Variants in PTPRD observed in about 807,000 individuals in gnomAD.
PTPRD encodes receptor-type tyrosine-protein phosphatase delta.
In PTPRD, 34 loss-of-function variants were observed where a neutral mutation model predicts 214.5. The ratio of observed to expected loss-of-function variants is 0.16; its 90% confidence interval spans 0.12 to 0.21. The LOEUF is 0.21. PTPRD is among the 10% of genes least tolerant of loss of function. PTPRD has a pLI of 1.00. For missense variants in PTPRD, 2,545 were observed against 2,398.7 expected (o/e 1.06, Z -1.27); for synonymous variants, 1,128 against 845.7 (o/e 1.33, Z -5.79).
At chr9:10,075,254 TA>T (rs1350267930) in intron 3 of PTPRD, among the ~76,000 whole-genome samples, 1 of 152,106 alleles carries the variant, frequency 6.6e-6, no homozygotes, top group Non-Finnish European at 1.5e-5. Flanking sequence ...CGAAGGTGCA[TA>T]ATTATTATTA....
intron 12 of PTPRD, among the ~76,000 whole-genome samples, chr9:8,704,385 C>G (rs1482115592): frequency 1.3e-5 from 2 of 151,890 alleles, no homozygotes; most frequent in African/African-American, 4.8e-5. Context: ...AGGAGGAAAG[C>G]AGAGTAGGAA....
At chr9:9,511,846 G>A (rs766635156) in intron 8 of PTPRD, among the ~76,000 whole-genome samples, 1 of 151,686 alleles carries the variant, frequency 6.6e-6, no homozygotes, top group South Asian at 2.1e-4. Flanking sequence ...AAAAGCCAAA[G>A]TTAAACTATT....
intron 20 of PTPRD, among the ~76,000 whole-genome samples, chr9:8,520,292 G>C (rs994345235): frequency 6.6e-6 from 1 of 151,982 alleles, no homozygotes; most frequent in African/African-American, 2.4e-5. Flanking sequence ...TGTAAATGTT[G>C]ACAATGTGTA....
chr9:9,349,013 T>C (rs997474076), intron 9 of PTPRD, among the ~76,000 whole-genome samples: 2 of 152,094 alleles, frequency 1.3e-5, no homozygotes, highest in East Asian at 3.9e-4. Context: ...TTATCAGATT[T>C]ATTTTCTGTA....
intron 5 of PTPRD, among the ~76,000 whole-genome samples, chr9:9,861,004 C>T (rs1458207953): frequency 6.6e-6 from 1 of 152,062 alleles, no homozygotes; most frequent in Non-Finnish European, 1.5e-5. Flanking sequence ...GAAAAATAGA[C>T]ATTATAGTTG....
intron 5 of PTPRD, among the ~76,000 whole-genome samples, chr9:9,827,076 G>A (rs1177738704): frequency 1.3e-5 from 2 of 152,084 alleles, no homozygotes; most frequent in East Asian, 3.9e-4. Flanking sequence ...TGGCCATACT[G>A]CCCAAGGTAA....
At chr9:10,078,607 A>G (rs538656144) in intron 3 of PTPRD, among the ~76,000 whole-genome samples, 12 of 150,444 alleles carry the variant, frequency 8.0e-5, no homozygotes, top group African/African-American at 1.2e-4. Flanking sequence ...TATCCCAATC[A>G]GGGGGTGTTT....
rs945993870 is a variant in PTPRD at position 9,937,502 on chromosome 9, G to A, written c.-368+1005C>T. ...TAAATTTTATACAAGTATATATTTGGGCTATTTATGACTATAAAAACATAA... is the reference window on the plus strand; with the variant it reads ...TAAATTTTATACAAGTATATATTTGAGCTATTTATGACTATAAAAACATAA... On this transcript the variant is annotated intron_variant, in intron 5 of 45. Transcript: ENST00000381196. Among the ~76,000 whole-genome samples, 8 of 150,092 alleles carry A rather than the reference G, an allele frequency of 5.3e-5. No individual in the cohort carries two copies. The East Asian group carries it at 1.6e-3, about 29-fold the overall frequency.
chr9:9,661,805 G>T (rs556547939), intron 7 of PTPRD, among the ~76,000 whole-genome samples: 25 of 151,748 alleles, frequency 1.6e-4, no homozygotes, highest in Admixed American at 1.2e-3. Flanking sequence ...TTGAAGAGGA[G>T]GAGGGCTGGA....
At chr9:10,188,957 T>C (rs1355666222) in intron 3 of PTPRD, among the ~76,000 whole-genome samples, 1 of 152,186 alleles carries the variant, frequency 6.6e-6, no homozygotes, top group Non-Finnish European at 1.5e-5. Flanking sequence ...TGTAACCATT[T>C]GAAGGCTCAA....
At chr9:9,613,356 A>G (rs1295953584) in intron 7 of PTPRD, among the ~76,000 whole-genome samples, 1 of 152,052 alleles carries the variant, frequency 6.6e-6, no homozygotes, top group African/African-American at 2.4e-5. Flanking sequence ...GCATTCAGCT[A>G]TCTTGAGAAA....
At chr9:9,296,531 C>G (rs1258799415) in intron 9 of PTPRD, among the ~76,000 whole-genome samples, 1 of 151,672 alleles carries the variant, frequency 6.6e-6, no homozygotes, top group African/African-American at 2.4e-5. Context: ...TTTATTCCTC[C>G]TCCTCCTCCA....
intron 7 of PTPRD, among the ~76,000 whole-genome samples, chr9:9,672,013 G>C (rs1046248000): frequency 1.4e-4 from 22 of 152,174 alleles, no homozygotes; most frequent in African/African-American, 4.8e-4. Context: ...ATCACAACTT[G>C]TCAGGGATGC....
At chr9:10,332,357 C>A (rs1203896789) in intron 3 of PTPRD, among the ~76,000 whole-genome samples, 2 of 151,830 alleles carry the variant, frequency 1.3e-5, no homozygotes, top group African/African-American at 4.8e-5. Flanking sequence ...GCTTGACATT[C>A]AGCAAGGATC....
intron 11 of PTPRD, among the ~76,000 whole-genome samples, chr9:8,822,682 T>C (rs79378280): frequency 0.044 from 6,771 of 152,232 alleles, 279 homozygotes; most frequent in African/African-American, 0.096. Flanking sequence ...AGCCTTCGGT[T>C]GGGGCTATTA....
At chr9:9,928,753 T>TACACACACACA (rs1259839394) in intron 5 of PTPRD, among the ~76,000 whole-genome samples, 4 of 101,738 alleles carry the variant, frequency 3.9e-5, no homozygotes, top group African/African-American at 3.3e-4. Flanking sequence ...CATCTCTCTC[T>TACACACACACA]CTATACACAC....
At chr9:8,727,858 T>A (rs2098602575) in intron 12 of PTPRD, among the ~76,000 whole-genome samples, 1 of 152,172 alleles carries the variant, frequency 6.6e-6, no homozygotes, top group Non-Finnish European at 1.5e-5. Flanking sequence ...GAGATATAAT[T>A]CAAATACCAT....
chr9:9,120,438 A>C (rs1055615533), intron 10 of PTPRD, among the ~76,000 whole-genome samples: 1 of 152,206 alleles, frequency 6.6e-6, no homozygotes, highest in Non-Finnish European at 1.5e-5. Flanking sequence ...CATTACCATC[A>C]ATTATCATTG....
At chr9:9,747,274 G>T (rs2098467461) in intron 6 of PTPRD, among the ~76,000 whole-genome samples, 1 of 152,048 alleles carries the variant, frequency 6.6e-6, no homozygotes, top group Non-Finnish European at 1.5e-5. Context: ...CATGATTTCC[G>T]ATATGAAATA....
Sources: gnomAD v4.1 joint callset for allele counts (sites outside exome capture counted in the v4.1 genomes callset) on GRCh38, gnomAD v4.1.1 for gene constraint, MANE v1.5 for transcripts, NCBI Gene and HGNC (gene_info 2026-07-23, HGNC 2026-07-21) for gene names.